The following SPON1 variants were observed in gnomAD, a reference collection of about 807,000 sequenced individuals.
The protein encoded by SPON1 is spondin 1, also known as spondin-1.
A neutral mutation model predicts 111.7 loss-of-function variants in SPON1; 52 were observed. That is an observed-to-expected ratio of 0.47 (90% CI 0.37 to 0.59). The LOEUF (loss-of-function observed/expected upper bound fraction) is 0.59, where lower values mean the gene tolerates loss of function less well. Among genes scored for constraint, SPON1 ranks in the 20% least tolerant of loss-of-function variants. The probability of loss-of-function intolerance (pLI) is 0.00; values close to 1 mark genes in which losing one functional copy is unlikely to be tolerated. For missense variants in SPON1, 957 were observed against 1,068.5 expected (o/e 0.90, Z 1.46); for synonymous variants, 410 against 395.8 (o/e 1.04, Z -0.43).
At chr11:14,130,321 G>A (rs926145022) in intron 5 of SPON1, among the ~76,000 whole-genome samples, 1 of 152,178 alleles carries the variant, frequency 6.6e-6, no homozygotes, top group Non-Finnish European at 1.5e-5. Context: ...TTCAGGGCTA[G>A]GTTGTGGTGG....
At chr11:14,137,948 G>A (rs933257314) in intron 6 of SPON1, among the ~76,000 whole-genome samples, 7 of 152,034 alleles carry the variant, frequency 4.6e-5, no homozygotes, top group East Asian at 1.9e-4. Context: ...ATTGTTCCCC[G>A]CAAGCACACA....
chr11:14,264,743 C>T (rs1368419454), intron 15 of SPON1, among the ~76,000 whole-genome samples: 1 of 152,076 alleles, frequency 6.6e-6, no homozygotes, highest in Non-Finnish European at 1.5e-5. Context: ...GTGGTGGGTT[C>T]TATAAAAGAG....
intron 7 of SPON1, among the ~76,000 whole-genome samples, chr11:14,251,347 G>A (rs1310336442): frequency 6.6e-6 from 1 of 152,174 alleles, no homozygotes; most frequent in African/African-American, 2.4e-5. Flanking sequence ...ACACTTACCA[G>A]GGTCTAGAGG....
chr11:14,258,086 A>G (rs530846236), intron 11 of SPON1, among the ~76,000 whole-genome samples, 188 bp downstream of exon 11: 6 of 152,330 alleles, frequency 3.9e-5, no homozygotes, highest in African/African-American at 1.4e-4. Flanking sequence ...TCTCTCTTAT[A>G]TCAAAGGAAT....
intron 4 of SPON1, among the ~76,000 whole-genome samples, chr11:14,079,697 T>TA (rs1284926019): frequency 6.6e-6 from 1 of 151,988 alleles, no homozygotes; most frequent in African/African-American, 2.4e-5. Context: ...AGCTCTCTTT[T>TA]TTTTTTTCAA....
intron 5 of SPON1, among the ~76,000 whole-genome samples, chr11:14,101,437 T>C (rs1849143591): frequency 6.6e-6 from 1 of 151,920 alleles, no homozygotes; most frequent in Admixed American, 6.6e-5. Flanking sequence ...AATAAAATAA[T>C]AAAACCTAGT....
At chr11:14,119,187 T>C (rs1414547526) in intron 5 of SPON1, among the ~76,000 whole-genome samples, 2 of 152,136 alleles carry the variant, frequency 1.3e-5, no homozygotes, top group African/African-American at 2.4e-5. Context: ...GGACAAGCCA[T>C]GTCTCAATTT....
intron 1 of SPON1, among the ~76,000 whole-genome samples, chr11:13,964,341 C>G (rs1554907837): frequency 6.6e-6 from 1 of 152,188 alleles, no homozygotes; most frequent in Non-Finnish European, 1.5e-5. Context: ...CAAATGGGCT[C>G]CCAGCTGCTG....
At chr11:14,053,269 A>C (rs1591362471) in intron 3 of SPON1, among the ~76,000 whole-genome samples, 1 of 151,834 alleles carries the variant, frequency 6.6e-6, no homozygotes, top group Admixed American at 6.6e-5. Context: ...TCAAAGTAAA[A>C]CCCCTTATTC....
intron 6 of SPON1, among the ~76,000 whole-genome samples, chr11:14,213,279 T>G (rs1176439361): frequency 6.6e-6 from 1 of 152,152 alleles, no homozygotes; most frequent in Non-Finnish European, 1.5e-5. Context: ...AAACACTTTG[T>G]GTAAGAAAAG....
At chr11:13,971,783 C>G (rs1848065083) in intron 1 of SPON1, among the ~76,000 whole-genome samples, 1 of 152,106 alleles carries the variant, frequency 6.6e-6, no homozygotes, top group Admixed American at 6.6e-5. Context: ...CATTTAGTGA[C>G]CAGTGGAATA....
chr11:14,232,665 G>A (rs1202591805), intron 6 of SPON1, among the ~76,000 whole-genome samples: 1 of 152,072 alleles, frequency 6.6e-6, no homozygotes, highest in Non-Finnish European at 1.5e-5. Context: ...CTTCTATATT[G>A]GATTATACAC....
intron 5 of SPON1, among the ~76,000 whole-genome samples, chr11:14,111,360 G>A (rs1408965681): frequency 2.0e-5 from 3 of 152,136 alleles, no homozygotes; most frequent in Non-Finnish European, 2.9e-5. Context: ...CATTAGAGTT[G>A]GTTGGGACTG....
At chr11:14,015,564 A>G (rs1236848596) in intron 2 of SPON1, among the ~76,000 whole-genome samples, 1 of 152,236 alleles carries the variant, frequency 6.6e-6, no homozygotes, top group East Asian at 1.9e-4. Context: ...TACATTTTAA[A>G]TTAGTTTATT....
chr11:14,007,545 G>A (rs1848371605), intron 2 of SPON1, among the ~76,000 whole-genome samples: 1 of 152,136 alleles, frequency 6.6e-6, no homozygotes, highest in South Asian at 2.1e-4. Context: ...TGCCCACCCA[G>A]ATTAAGGGTG....
At chr11:13,973,688 T>A (rs1848080576) in intron 1 of SPON1, among the ~76,000 whole-genome samples, 1 of 152,194 alleles carries the variant, frequency 6.6e-6, no homozygotes, top group African/African-American at 2.4e-5. Flanking sequence ...TTAGCAAATG[T>A]TTTTATATAC....
At chr11:14,074,990 T>C (rs1233885412) in intron 3 of SPON1, among the ~76,000 whole-genome samples, 1 of 152,214 alleles carries the variant, frequency 6.6e-6, no homozygotes, top group Non-Finnish European at 1.5e-5. Context: ...ATGGCCTCAA[T>C]AGTTTAACAT....
At chr11:14,242,044 T>C (rs889506206) in intron 6 of SPON1, among the ~76,000 whole-genome samples, 1 of 152,078 alleles carries the variant, frequency 6.6e-6, no homozygotes, top group Non-Finnish European at 1.5e-5. Context: ...CAGACCACGC[T>C]GGGTCTGGCT....
At chr11:14,130,979 C>T (rs1460036055) in intron 5 of SPON1, among the ~76,000 whole-genome samples, 1 of 152,138 alleles carries the variant, frequency 6.6e-6, no homozygotes, top group Non-Finnish European at 1.5e-5. Flanking sequence ...TGAGAACAAA[C>T]ACAACACAGA....
Sources: gnomAD v4.1 joint callset for allele counts (sites outside exome capture counted in the v4.1 genomes callset) on GRCh38, gnomAD v4.1.1 for gene constraint, MANE v1.5 for transcripts, NCBI Gene and HGNC (gene_info 2026-07-23, HGNC 2026-07-21) for gene names.